Variants in NKAIN3 observed in about 807,000 individuals in gnomAD.
NKAIN3 encodes the protein sodium/potassium transporting ATPase interacting 3.
NKAIN3 carries 25 observed loss-of-function variants against 30.2 expected under a neutral mutation model. The ratio of observed to expected loss-of-function variants is 0.83; its 90% CI spans 0.60 to 1.16. The LOEUF (loss-of-function observed/expected upper bound fraction) is 1.16, where lower values mean the gene tolerates loss of function less well. Among genes scored for constraint, NKAIN3 ranks in the 50% most tolerant of loss-of-function variants. The probability of loss-of-function intolerance (pLI) is 0.00; values close to 1 mark genes in which losing one functional copy is unlikely to be tolerated. For synonymous variants in NKAIN3, 91 were observed against 89.6 expected (o/e 1.02, Z -0.09); for missense variants, 225 against 254.1 (o/e 0.89, Z 0.78).
intron 4 of NKAIN3, among the ~76,000 whole-genome samples, chr8:62,796,789 TACACAC>T (rs144656283): frequency 2.1e-5 from 3 of 146,064 alleles, no homozygotes; most frequent in Admixed American, 6.9e-5. Flanking sequence ...GTATCACACA[TACACAC>T]ACACACACAC....
chr8:62,568,632 A>G (rs1204347410), intron 1 of NKAIN3, among the ~76,000 whole-genome samples: 3 of 152,180 alleles, frequency 2.0e-5, no homozygotes, highest in Non-Finnish European at 4.4e-5. Context: ...CTCTTTTAAC[A>G]GAAAACTTTC....
chr8:62,320,160 C>A (rs1250542732), intron 1 of NKAIN3, among the ~76,000 whole-genome samples: 1 of 152,076 alleles, frequency 6.6e-6, no homozygotes, highest in Admixed American at 6.6e-5. Flanking sequence ...GCAACCCCTG[C>A]CTTTTTTTGT....
At chr8:62,551,279 C>T (rs893277206) in intron 1 of NKAIN3, among the ~76,000 whole-genome samples, 2 of 152,082 alleles carry the variant, frequency 1.3e-5, no homozygotes, top group African/African-American at 4.8e-5. Flanking sequence ...CTCTAGTCTC[C>T]TGTACTTCAT....
intron 1 of NKAIN3, among the ~76,000 whole-genome samples, chr8:62,521,936 G>A (rs1203614843): frequency 2.6e-5 from 4 of 152,064 alleles, no homozygotes; most frequent in Non-Finnish European, 5.9e-5. Flanking sequence ...AGGAATGAGG[G>A]ACTAGAAGCT....
chr8:62,412,732 T>C (rs1006506090), intron 1 of NKAIN3, among the ~76,000 whole-genome samples: 2 of 150,720 alleles, frequency 1.3e-5, no homozygotes, highest in African/African-American at 4.9e-5. Flanking sequence ...AGAGACATGG[T>C]GAAACCCTGT....
chr8:62,513,857 CAAAAAAAAAAAAAAAA>C (rs10608416), intron 1 of NKAIN3, among the ~76,000 whole-genome samples: 3 of 52,616 alleles, frequency 5.7e-5, no homozygotes, highest in African/African-American at 1.6e-4. Context: ...AAACCTGTCT[CAAAAAAAAAAAAAAAA>C]AAAAAAAAAA....
rs183833596 is a variant in NKAIN3 at position 62,257,883 on chromosome 8, C to T, written c.54+8756C>T. ...CATTTTAATCAAATCATTTTCATTCCGGTTACTTACATATAGATTTTTGTT... is the reference window on the plus strand; with the variant it reads ...CATTTTAATCAAATCATTTTCATTCTGGTTACTTACATATAGATTTTTGTT... On this transcript the variant is annotated intron_variant, in intron 1 of 6. Coordinates refer to ENST00000623646, the MANE Select transcript of NKAIN3 (RefSeq NM_001304533.3). Among the ~76,000 whole-genome samples, 191 of 151,640 alleles carry T rather than the reference C, an allele frequency of 1.3e-3. 1 individual carries two copies. The highest frequency in any genetic ancestry group is 4.0e-3 in the African/African-American group (164 of 41,374).
At chr8:62,809,844 G>A (rs4448268) in intron 4 of NKAIN3, among the ~76,000 whole-genome samples, 1 of 152,134 alleles carries the variant, frequency 6.6e-6, no homozygotes, top group East Asian at 1.9e-4. Flanking sequence ...ATTTGCCTGA[G>A]GTAACCTAGG....
At chr8:62,525,324 T>A (rs1808270287) in intron 1 of NKAIN3, among the ~76,000 whole-genome samples, 1 of 152,078 alleles carries the variant, frequency 6.6e-6, no homozygotes, top group African/African-American at 2.4e-5. Context: ...GAAGAGGCAA[T>A]TTCATAAGTG....
intron 6 of NKAIN3, among the ~76,000 whole-genome samples, chr8:62,963,174 T>G (rs1823619300): frequency 6.6e-6 from 1 of 152,242 alleles, no homozygotes; most frequent in African/African-American, 2.4e-5. Flanking sequence ...GTTACAGGCG[T>G]GAGCCACTGT....
At chr8:62,433,523 A>T (rs1805079447) in intron 1 of NKAIN3, among the ~76,000 whole-genome samples, 1 of 152,160 alleles carries the variant, frequency 6.6e-6, no homozygotes, top group Admixed American at 6.6e-5. Flanking sequence ...GTGATTTCTT[A>T]AGCCTCATGT....
chr8:62,258,027 T>C (rs550466735), intron 1 of NKAIN3, among the ~76,000 whole-genome samples: 2 of 151,556 alleles, frequency 1.3e-5, no homozygotes, highest in African/African-American at 4.9e-5. Flanking sequence ...AACTACTTAT[T>C]TTATTTTATT....
chr8:62,856,419 C>T, intron 4 of NKAIN3: 1 of 793,480 alleles, frequency 1.3e-6, no homozygotes, highest in South Asian at 1.3e-5. Flanking sequence ...GGTCCTCATC[C>T]TCTGCTATGC....
chr8:62,495,622 G>C lies in NKAIN3; in HGVS notation c.55-83917G>C, dbSNP rs1357177413. On this transcript the variant is annotated intron_variant, in intron 1 of 6. Coordinates refer to ENST00000623646, the MANE Select transcript of NKAIN3 (RefSeq NM_001304533.3). ...TGGGAACAGAGGATTCAAAAATAAA[G>C]ATGTTTAATAAATAAAACAGAATAA... 4.6e-5 allele frequency among the ~76,000 whole-genome samples: 7 copies of C among 151,220 alleles called. No homozygotes were observed. The East Asian group carries it at 1.4e-3, about 29-fold the overall frequency.
chr8:62,705,095 G>A (rs1344217081), intron 3 of NKAIN3, among the ~76,000 whole-genome samples: 2 of 151,894 alleles, frequency 1.3e-5, no homozygotes, highest in Non-Finnish European at 2.9e-5. Context: ...TTTTTTACTG[G>A]CAATACCTGG....
intron 1 of NKAIN3, among the ~76,000 whole-genome samples, chr8:62,349,392 A>G (rs74730387): frequency 0.073 from 11,085 of 152,226 alleles, 477 homozygotes; most frequent in African/African-American, 0.098. Context: ...CAAAAACCTA[A>G]CTATACAGGT....
intron 5 of NKAIN3, among the ~76,000 whole-genome samples, chr8:62,919,904 G>A (rs1197919220): frequency 3.2e-5 from 2 of 61,956 alleles, no homozygotes; most frequent in East Asian, 4.2e-3. Flanking sequence ...TGCTTACACA[G>A]AGTTTTTTTT....
intron 6 of NKAIN3, among the ~76,000 whole-genome samples, chr8:62,954,275 A>G (rs1418904416): frequency 6.6e-6 from 1 of 152,186 alleles, no homozygotes; most frequent in African/African-American, 2.4e-5. Flanking sequence ...AAGAATGAAT[A>G]TGTGTCCTGG....
chr8:62,534,157 A>G (rs1222543594), intron 1 of NKAIN3, among the ~76,000 whole-genome samples: 4 of 152,176 alleles, frequency 2.6e-5, no homozygotes, highest in Non-Finnish European at 5.9e-5. Flanking sequence ...GCATGAGATG[A>G]GAGCTCTGCC....
Sources: gnomAD v4.1 joint callset for allele counts (sites outside exome capture counted in the v4.1 genomes callset) on GRCh38, gnomAD v4.1.1 for gene constraint, MANE v1.5 for transcripts, NCBI Gene and HGNC (gene_info 2026-07-23, HGNC 2026-07-21) for gene names.